Variants in ERC2 observed in about 807,000 individuals in gnomAD.
ERC2 encodes ELKS/RAB6-interacting/CAST family member 2.
ERC2 carries 42 observed loss-of-function variants against 114.8 expected under a neutral mutation model. The ratio of observed to expected loss-of-function variants is 0.37; its 90% CI spans 0.29 to 0.47. The LOEUF (loss-of-function observed/expected upper bound fraction) is 0.47. Among genes scored for constraint, ERC2 ranks in the 20% least tolerant of loss-of-function variants. ERC2 has a pLI of 0.99. For synonymous variants in ERC2, 454 were observed against 425.5 expected, an observed-to-expected ratio of 1.07 and a Z score of -0.82; for missense variants, 939 against 1,150.7, an observed-to-expected ratio of 0.82 and a Z score of 2.66.
chr3:55,641,549 CAAAAAAAAAA>C (rs57407975), intron 17 of ERC2, among the ~76,000 whole-genome samples: 7 of 28,346 alleles, frequency 2.5e-4, no homozygotes, highest in Non-Finnish European at 3.5e-4. Flanking sequence ...GATTCTATCT[CAAAAAAAAAA>C]AAAAAAAAAA....
intron 13 of ERC2, among the ~76,000 whole-genome samples, chr3:55,934,595 A>G (rs960222382): frequency 3.9e-5 from 6 of 152,234 alleles, no homozygotes; most frequent in Non-Finnish European, 7.3e-5. Flanking sequence ...TCTAGATTGA[A>G]GAATGAAAAG....
intron 3 of ERC2, among the ~76,000 whole-genome samples, chr3:56,218,048 C>G (rs1370021191): frequency 2.0e-5 from 3 of 152,146 alleles, no homozygotes; most frequent in Non-Finnish European, 4.4e-5. Flanking sequence ...AGAAGAAAAC[C>G]TAGGCAATAC....
intron 3 of ERC2, among the ~76,000 whole-genome samples, chr3:56,188,173 T>C (rs1575743910): frequency 6.6e-6 from 1 of 152,184 alleles, no homozygotes; most frequent in South Asian, 2.1e-4. Context: ...GGGCCACCCT[T>C]CTGGGCATCA....
chr3:56,284,672 A>G (rs2054561376), intron 3 of ERC2, among the ~76,000 whole-genome samples: 3 of 152,196 alleles, frequency 2.0e-5, no homozygotes, highest in East Asian at 1.9e-4. Context: ...AAAACTGCCA[A>G]TTAATAGTGA....
chr3:55,976,365 C>A (rs999217837), intron 12 of ERC2, among the ~76,000 whole-genome samples: 1 of 152,150 alleles, frequency 6.6e-6, no homozygotes, highest in Non-Finnish European at 1.5e-5. Flanking sequence ...CACCTTTCAC[C>A]CCCTGTTGAC....
intron 13 of ERC2, among the ~76,000 whole-genome samples, chr3:55,922,826 C>T (rs1220691536): frequency 1.3e-5 from 2 of 152,156 alleles, no homozygotes; most frequent in East Asian, 1.9e-4. Context: ...AGATGCTCAA[C>T]ATCACCAGAT....
At chr3:56,113,706 G>C (rs577776011) in intron 6 of ERC2, among the ~76,000 whole-genome samples, 1 of 152,180 alleles carries the variant, frequency 6.6e-6, no homozygotes, top group African/African-American at 2.4e-5. Flanking sequence ...GACCTCACAG[G>C]TTAAGGACTC....
intron 14 of ERC2, among the ~76,000 whole-genome samples, chr3:55,743,139 C>G (rs528116148): frequency 6.6e-6 from 1 of 152,180 alleles, no homozygotes; most frequent in Non-Finnish European, 1.5e-5. Flanking sequence ...AACCTAATAG[C>G]ACATGACTGG....
chr3:55,966,883 C>T (rs1025963957), intron 12 of ERC2, among the ~76,000 whole-genome samples: 6 of 152,144 alleles, frequency 3.9e-5, no homozygotes, highest in Non-Finnish European at 8.8e-5. Context: ...TCAGTAAATA[C>T]CCATTTTTTC....
intron 12 of ERC2, among the ~76,000 whole-genome samples, chr3:55,970,262 G>C (rs1576403502): frequency 6.6e-6 from 1 of 151,948 alleles, no homozygotes; most frequent in African/African-American, 2.4e-5. Context: ...CTTTCTCTGA[G>C]AGCAAAATTT....
intron 14 of ERC2, among the ~76,000 whole-genome samples, chr3:55,835,322 T>C (rs1453725213): frequency 6.6e-6 from 1 of 152,152 alleles, no homozygotes; most frequent in Non-Finnish European, 1.5e-5. Flanking sequence ...TAGACCAATA[T>C]CCTTGATGAA....
chr3:56,105,689 G>T (rs889151508), intron 6 of ERC2, among the ~76,000 whole-genome samples: 16 of 152,310 alleles, frequency 1.1e-4, no homozygotes, highest in African/African-American at 3.9e-4. Flanking sequence ...TAGAGAGGCA[G>T]TGGGAGAAGC....
intron 12 of ERC2, among the ~76,000 whole-genome samples, chr3:55,975,803 G>A (rs566402248): frequency 1.1e-4 from 16 of 152,132 alleles, no homozygotes; most frequent in African/African-American, 2.7e-4. Context: ...AGACAGCCCC[G>A]TTTCTTCTGA....
chr3:55,969,337 G>A (rs2068982247), intron 12 of ERC2, among the ~76,000 whole-genome samples: 1 of 151,818 alleles, frequency 6.6e-6, no homozygotes, highest in Non-Finnish European at 1.5e-5. Context: ...TGGTATGCTG[G>A]AGAGCCAGAA....
At chr3:55,882,957 T>G (rs1025130222) in intron 14 of ERC2, among the ~76,000 whole-genome samples, 1 of 152,222 alleles carries the variant, frequency 6.6e-6, no homozygotes, top group East Asian at 1.9e-4. Context: ...ATTCCAAACC[T>G]CTTTGGTTAC....
chr3:56,437,923 A>G (rs896984293), intron 1 of ERC2, among the ~76,000 whole-genome samples: 4 of 152,240 alleles, frequency 2.6e-5, no homozygotes, highest in Non-Finnish European at 4.4e-5. Context: ...AAAACACACA[A>G]ATACACATAC....
chr3:55,756,444 C>A (rs2067064552), intron 14 of ERC2, among the ~76,000 whole-genome samples: 1 of 152,022 alleles, frequency 6.6e-6, no homozygotes, highest in African/African-American at 2.4e-5. Flanking sequence ...CCATATGTGC[C>A]CCATGGGACA....
At chr3:55,840,676 G>A (rs779704362) in intron 14 of ERC2, among the ~76,000 whole-genome samples, 3 of 152,062 alleles carry the variant, frequency 2.0e-5, no homozygotes, top group Non-Finnish European at 4.4e-5. Context: ...AAGGCTTATA[G>A]AGGAATGGTC....
chr3:55,626,181 T>G (rs1034111569), intron 17 of ERC2, among the ~76,000 whole-genome samples: 1 of 152,226 alleles, frequency 6.6e-6, no homozygotes, highest in Non-Finnish European at 1.5e-5. Context: ...CATGCCTTTT[T>G]GACCTTTGCA....
Sources: allele counts gnomAD v4.1 joint callset (sites outside exome capture counted in the v4.1 genomes callset), GRCh38; gene constraint gnomAD v4.1.1; transcripts MANE v1.5; gene names NCBI Gene and HGNC (gene_info 2026-07-23, HGNC 2026-07-21).